Variants in B3GLCT observed in about 807,000 individuals in gnomAD.
B3GLCT encodes the protein beta 3-glucosyltransferase, also known as beta-1,3-glucosyltransferase.
A neutral mutation model predicts 63.4 loss-of-function variants in B3GLCT; 65 were observed. That is an observed-to-expected ratio of 1.03 (90% CI 0.84 to 1.26). B3GLCT has a LOEUF of 1.26. Ranked by LOEUF, B3GLCT falls within the 50% of genes most tolerant of loss-of-function variation. The pLI is 0.00. For missense variants in B3GLCT, 577 were observed against 604.8 expected, an observed-to-expected ratio of 0.95 and a Z score of 0.48; for synonymous variants, 233 against 219.2, an observed-to-expected ratio of 1.06 and a Z score of -0.55.
At chr13:31,203,421 G>T (rs1000001205) in intron 1 of B3GLCT, among the ~76,000 whole-genome samples, 1 of 152,292 alleles carries the variant, frequency 6.6e-6, no homozygotes. Flanking sequence ...CAGTGGGAGG[G>T]AGGGAGAGCA....
Position 31,286,863 on chromosome 13 carries a change from T to A in B3GLCT, c.1064+44T>A, listed in dbSNP as rs189057396. ...CCTAAATGGCTTTAAATTCTACATATATTCATATTCAAAAAACTAGATGGG... is the reference window on the plus strand; with the variant it reads ...CCTAAATGGCTTTAAATTCTACATAAATTCATATTCAAAAAACTAGATGGG... On this transcript the variant is annotated intron_variant, in intron 12 of 14. Transcript: ENST00000343307. The A allele has an allele frequency of 9.8e-4, 1,325 of 1,346,342 alleles. 4 individuals are homozygous for A. Among genetic ancestry groups the A allele is most frequent in the Non-Finnish European group, 1.1e-3 (1,069 of 948,892 alleles). 83.4% of individuals were successfully genotyped at this position (1,346,342 alleles called of 1,614,324 possible).
intron 14 of B3GLCT, among the ~76,000 whole-genome samples, chr13:31,326,002 A>G (rs1209998737): frequency 6.6e-6 from 1 of 152,146 alleles, no homozygotes; most frequent in Non-Finnish European, 1.5e-5. Context: ...CCTAGAGCAT[A>G]TGGTTTTCTG....
intron 8 of B3GLCT, among the ~76,000 whole-genome samples, chr13:31,274,234 G>A (rs1459138497): frequency 6.6e-6 from 1 of 152,236 alleles, no homozygotes; most frequent in Non-Finnish European, 1.5e-5. Context: ...GTTGTAGAAT[G>A]TGTTCTTTCC....
intron 1 of B3GLCT, among the ~76,000 whole-genome samples, chr13:31,211,085 C>T (rs1356636496): frequency 6.6e-6 from 1 of 152,068 alleles, no homozygotes; most frequent in African/African-American, 2.4e-5. Context: ...ATTTAGATTA[C>T]ACAAATTTAA....
intron 12 of B3GLCT, among the ~76,000 whole-genome samples, chr13:31,297,082 C>T (rs560223682): frequency 4.7e-4 from 71 of 151,644 alleles, no homozygotes; most frequent in Non-Finnish European, 6.6e-4. Context: ...GAAATTTATC[C>T]GTGTTGTAGC....
intron 6 of B3GLCT, among the ~76,000 whole-genome samples, chr13:31,259,445 C>T (rs1040754121): frequency 2.0e-5 from 3 of 151,942 alleles, no homozygotes; most frequent in African/African-American, 7.3e-5. Context: ...TTTGTCCTGG[C>T]AGTCTGAACT....
At chr13:31,320,885 G>A (rs898225502) in intron 13 of B3GLCT, among the ~76,000 whole-genome samples, 5 of 152,074 alleles carry the variant, frequency 3.3e-5, no homozygotes, top group African/African-American at 9.7e-5. Context: ...TTGTTCTTTT[G>A]GACTCACCAT....
intron 4 of B3GLCT, among the ~76,000 whole-genome samples, chr13:31,242,287 G>A (rs894589418): frequency 3.3e-5 from 5 of 152,074 alleles, no homozygotes; most frequent in African/African-American, 1.2e-4. Flanking sequence ...TGTTCTTATG[G>A]CTTCTATCCC....
At chr13:31,250,901 C>T (rs1269694195) in intron 6 of B3GLCT, among the ~76,000 whole-genome samples, 2 of 152,152 alleles carry the variant, frequency 1.3e-5, no homozygotes, top group Non-Finnish European at 2.9e-5. Context: ...TCCCTGAACC[C>T]CCGTGTAGCC....
intron 12 of B3GLCT, among the ~76,000 whole-genome samples, chr13:31,299,211 T>C (rs1389956319): frequency 6.6e-6 from 1 of 152,204 alleles, no homozygotes; most frequent in Admixed American, 6.5e-5. Flanking sequence ...TGAAGGCATG[T>C]AAGCCAGCCT....
chr13:31,247,885 T>G lies in B3GLCT; in HGVS notation c.378T>G (p.Ser126=). Residue 126 remains serine (S), a synonymous_variant, in exon 6 of 15, where the codon TCT becomes TCG. Transcript: ENST00000343307. ...HFSVTYSRNS[S]WIFFCEEETR... is the part of the protein sequence containing the mutation. ...CTGTAACATATAGCAGAAATTCATCTTGGATTTTCTTCTGTGAAGAAGAGA... is the reference window on the plus strand; with the variant it reads ...CTGTAACATATAGCAGAAATTCATCGTGGATTTTCTTCTGTGAAGAAGAGA... 6.2e-7 allele frequency: 1 copy of G among 1,608,824 alleles called. No homozygotes were observed. Among genetic ancestry groups the G allele is most frequent in the Non-Finnish European group, 8.5e-7 (1 of 1,175,508 alleles).
At chr13:31,236,660 C>T (rs1381636314) in intron 4 of B3GLCT, among the ~76,000 whole-genome samples, 1 of 152,184 alleles carries the variant, frequency 6.6e-6, no homozygotes, top group Non-Finnish European at 1.5e-5. Context: ...TGAGCTGTTA[C>T]AGCTTAGGTA....
intron 12 of B3GLCT, among the ~76,000 whole-genome samples, chr13:31,312,166 A>G (rs577796367): frequency 6.6e-6 from 1 of 152,326 alleles, no homozygotes; most frequent in African/African-American, 2.4e-5. Flanking sequence ...TGCTCTTTCT[A>G]TGGCCACAGA....
In B3GLCT at chr13:31,257,299, G is replaced by T. The variant is rs970155775; in HGVS notation, c.460-3647G>T. 3.9e-5 allele frequency among the ~76,000 whole-genome samples: 6 copies of T among 152,064 alleles called. No homozygotes were observed. The East Asian group carries it at 7.8e-4, about 20-fold the overall frequency. On this transcript the variant is annotated intron_variant, in intron 6 of 14. Coordinates refer to ENST00000343307, the MANE Select transcript of B3GLCT (RefSeq NM_194318.4). ...TTCTTTATACAAGCTATATTGGCAT[G>T]GTATGTAAAATACAGTGATTTTCAT...
At chr13:31,212,384 C>G (rs1869313508) in intron 1 of B3GLCT, among the ~76,000 whole-genome samples, 1 of 151,296 alleles carries the variant, frequency 6.6e-6, no homozygotes, top group Non-Finnish European at 1.5e-5. Context: ...AAGCGATTCT[C>G]CTGCCTCAGC....
chr13:31,252,070 C>G (rs1329943408), intron 6 of B3GLCT, among the ~76,000 whole-genome samples: 2 of 152,128 alleles, frequency 1.3e-5, no homozygotes, highest in Non-Finnish European at 2.9e-5. Context: ...ATGCAGCATT[C>G]TTAAAGAAAG....
chr13:31,256,585 T>C (rs1031412716), intron 6 of B3GLCT, among the ~76,000 whole-genome samples: 13 of 152,184 alleles, frequency 8.5e-5, no homozygotes, highest in Non-Finnish European at 1.3e-4. Flanking sequence ...TGGAATACTA[T>C]GCAGCCATAA....
intron 1 of B3GLCT, among the ~76,000 whole-genome samples, chr13:31,201,042 C>T (rs1593239634): frequency 6.8e-6 from 1 of 146,852 alleles, no homozygotes; most frequent in African/African-American, 2.5e-5. Flanking sequence ...TTGTAATTGA[C>T]TTTCATGATC....
At chr13:31,327,308 A>AT (rs1875679479) in intron 14 of B3GLCT, among the ~76,000 whole-genome samples, 1 of 152,206 alleles carries the variant, frequency 6.6e-6, no homozygotes, top group African/African-American at 2.4e-5. Flanking sequence ...AAGCACTGTG[A>AT]TACTGCTGCA....
Sources: allele counts gnomAD v4.1 joint callset (sites outside exome capture counted in the v4.1 genomes callset), GRCh38; gene constraint gnomAD v4.1.1; transcripts MANE v1.5; gene names NCBI Gene and HGNC (gene_info 2026-07-23, HGNC 2026-07-21).